The following NUP58 variants were observed in gnomAD, a reference collection of about 807,000 sequenced individuals.
NUP58 encodes the protein nucleoporin 58.
NUP58 carries 17 observed loss-of-function variants against 70.1 expected under a neutral mutation model. That is an observed-to-expected ratio of 0.24 (90% CI 0.17 to 0.36). The LOEUF (loss-of-function observed/expected upper bound fraction) is 0.36. Among genes scored for constraint, NUP58 ranks in the 10% least tolerant of loss-of-function variants. The pLI is 1.00. For missense variants in NUP58, 644 were observed against 701.5 expected (o/e 0.92, Z 0.93); for synonymous variants, 275 against 257.6 (o/e 1.07, Z -0.65).
chr13:25,331,029 C>A (rs758775258), intron 12 of NUP58, among the ~76,000 whole-genome samples: 2 of 151,496 alleles, frequency 1.3e-5, no homozygotes, highest in Non-Finnish European at 2.9e-5. Context: ...TTTTTAAATT[C>A]TTTTCATCCA....
At chr13:25,321,243 A>G (rs2031173115) in intron 9 of NUP58, 150 bp downstream of exon 9, 2 of 628,022 alleles carry the variant, frequency 3.2e-6, no homozygotes, top group Non-Finnish European at 5.3e-6. Flanking sequence ...TACTTTAATA[A>G]TGAGTTTTTA....
At chr13:25,336,191 G>T in intron 13 of NUP58, 1 of 1,365,944 alleles carries the variant, frequency 7.3e-7, no homozygotes, top group Non-Finnish European at 9.8e-7. Flanking sequence ...CTTTGTAAAT[G>T]TTCATTACTT....
At chr13:25,333,957 T>C in intron 13 of NUP58, 1 of 985,420 alleles carries the variant, frequency 1.0e-6, no homozygotes, top group Non-Finnish European at 1.2e-6. Context: ...AATAGCTTCT[T>C]AGACTGCTGC....
Position 25,312,723 on chromosome 13 carries a change from C to T in NUP58, c.287-160C>T, listed in dbSNP as rs73470425. Among the ~76,000 whole-genome samples the T allele has an allele frequency of 7.5e-3, 1,146 of 152,278 alleles. 16 individuals are homozygous for T. The highest frequency in any genetic ancestry group is 0.026 in the African/African-American group (1,066 of 41,568). ...TTTTGTGTTCACCATGGTTTAGTCT[C>T]AACTTTTACATATTTTCTCTCACAG... On this transcript the variant is annotated intron_variant, in intron 3 of 15. Transcript: ENST00000381736.
rs554099030 is a variant in NUP58 at position 25,341,572 on chromosome 13, T to C, written c.*1438T>C. On this transcript the variant is annotated 3_prime_UTR_variant, in exon 16 of 16. Transcript: ENST00000381736. Reference sequence around the variant, plus strand: ...AGAAAAATATTCTTTGTAGCAACTGTAAATTCTCCCATTATAACAGTGAAC... The same window carrying C: ...AGAAAAATATTCTTTGTAGCAACTGCAAATTCTCCCATTATAACAGTGAAC... The C allele has an allele frequency of 1.3e-5, 2 of 152,762 alleles. No individual in the cohort carries two copies. Among genetic ancestry groups the C allele is most frequent in the African/African-American group, 4.8e-5 (2 of 41,574 alleles). 9.5% of individuals were successfully genotyped at this position (152,762 alleles called of 1,614,324 possible).
chr13:25,343,809 A>G (rs560946497), downstream of NUP58, among the ~76,000 whole-genome samples: 3,216 of 128,244 alleles, frequency 0.025, 127 homozygotes, highest in African/African-American at 0.12. Flanking sequence ...ATATATGTAT[A>G]TATATATATA....
chr13:25,307,807 A>C lies in NUP58; in HGVS notation c.109A>C (p.Asn37His). ...VFSFGTGASS[N>H]PSVGLNFGNL... is the part of the protein sequence containing the mutation. ...TTTGTTTTTGTTTCTTTAAATAAGC[A>C]ACCCTTCTGTGGGGCTCAATTTTGG... Residue 37 changes from asparagine to histidine, a missense_variant and splice_region_variant, in exon 2 of 16, where the codon AAC becomes CAC. This residue lies in a region of NUP58 where 430 missense variants were observed against 409.2 expected (regional missense o/e 1.05). Transcript: ENST00000381736. 1 of 1,613,948 alleles carries C rather than the reference A, an allele frequency of 6.2e-7. No homozygotes were observed. Among genetic ancestry groups the C allele is most frequent in the Non-Finnish European group, 8.5e-7 (1 of 1,179,936 alleles).
intron 6 of NUP58, among the ~76,000 whole-genome samples, chr13:25,316,003 T>G (rs1220459012): frequency 6.6e-6 from 1 of 152,200 alleles, no homozygotes; most frequent in African/African-American, 2.4e-5. Context: ...TGTAAAACCC[T>G]AGCAGAGCCA....
chr13:25,325,234 C>T (rs2031349297), intron 10 of NUP58, among the ~76,000 whole-genome samples, 166 bp downstream of exon 10: 1 of 152,150 alleles, frequency 6.6e-6, no homozygotes, highest in Admixed American at 6.5e-5. Context: ...AGGTTTATCT[C>T]CATTAACACC....
intron 6 of NUP58, among the ~76,000 whole-genome samples, chr13:25,319,058 C>A (rs1184408474): frequency 6.6e-6 from 1 of 150,852 alleles, no homozygotes; most frequent in African/African-American, 2.4e-5. Flanking sequence ...CTTCTGAGTT[C>A]ATGACGAGGG....
At chr13:25,305,020 G>C (rs1380810122) in intron 1 of NUP58, among the ~76,000 whole-genome samples, 1 of 151,724 alleles carries the variant, frequency 6.6e-6, no homozygotes, top group Non-Finnish European at 1.5e-5. Context: ...TCTTTTGCTT[G>C]TAGCGCTCAC....
intron 13 of NUP58, chr13:25,336,209 T>A: frequency 7.3e-7 from 1 of 1,366,776 alleles, no homozygotes; most frequent in Non-Finnish European, 9.8e-7. Flanking sequence ...CTTTATTTAA[T>A]CAGGTGATAA....
At chr13:25,315,862 T>C (rs1018722462) in intron 6 of NUP58, among the ~76,000 whole-genome samples, 2 of 152,174 alleles carry the variant, frequency 1.3e-5, no homozygotes, top group East Asian at 3.8e-4. Context: ...TAAGAGTGTC[T>C]GCTCTGGAGT....
intron 2 of NUP58, 59 bp downstream of exon 2, chr13:25,308,007 G>A: frequency 1.9e-6 from 3 of 1,588,664 alleles, no homozygotes; most frequent in Non-Finnish European, 2.6e-6. Context: ...TTCCTAAATT[G>A]TGTCCTGTAT....
At position 25,320,332 on chromosome 13, in the gene NUP58, A is replaced by G. The variant is rs184157048; in HGVS notation, c.711-198A>G. 2.1e-3 allele frequency: 897 copies of G among 433,482 alleles called. 5 individuals are homozygous for G. Among genetic ancestry groups the G allele is most frequent in the African/African-American group, 0.016 (764 of 47,640 alleles). The allele number at this position is 433,482 out of a possible 1,614,324, so 26.9% of individuals were successfully genotyped here. A position where few individuals can be genotyped will look rare whatever the true frequency, so the allele number is the denominator to read the frequency against. ...GATAAGAAATCTTCATGTCAGATGA[A>G]TTGTTAAAATTATTTTATAGATCCT... On this transcript the variant is annotated intron_variant, in intron 7 of 15. Coordinates refer to ENST00000381736, the MANE Select transcript of NUP58 (RefSeq NM_014089.4).
At position 25,315,421 on chromosome 13, in the gene NUP58, T is replaced by G. The variant is rs767289163; in HGVS notation, c.639T>G (p.Asn213Lys). Residue 213 changes from asparagine (N) to lysine (K), a missense_variant, in exon 6 of 16, where the codon AAT (asparagine) becomes AAG (lysine). By Grantham distance (94) the Asn-to-Lys change is moderately conservative. Coordinates refer to ENST00000381736, the MANE Select transcript of NUP58 (RefSeq NM_014089.4). ...GTTAATSTAGNEGLGGIDFSS... is the reference protein window; with the variant it reads ...GTTAATSTAGKEGLGGIDFSS... ...CAGCAGCTACTTCAACTGCAGGCAA[T>G]GAAGGCCTTGGTGGTATAGATTTCA... 6.2e-7 allele frequency: 1 copy of G among 1,613,964 alleles called. No homozygotes were observed. The highest frequency in any genetic ancestry group is 8.5e-7 in the Non-Finnish European group (1 of 1,179,866).
chr13:25,325,603 A>G (rs1164232997), intron 10 of NUP58, among the ~76,000 whole-genome samples: 1 of 152,194 alleles, frequency 6.6e-6, no homozygotes, highest in Non-Finnish European at 1.5e-5. Flanking sequence ...GCTTAGGACT[A>G]TACATGCTTT....
Position 25,318,184 on chromosome 13 carries a change from C to T in NUP58, c.686-1142C>T, listed in dbSNP as rs372444201. Among the ~76,000 whole-genome samples the T allele has an allele frequency of 1.1e-4, 16 of 152,004 alleles. No individual in the cohort carries two copies. The South Asian group carries it at 1.5e-3, about 14-fold the overall frequency. The stretch of plus-strand genomic sequence containing the variant: ...CTCTACTAAAAATGCAAAAGCTAGC[C>T]GGGCACAGTGGCAGGCACCTGTAAT... On this transcript the variant is annotated intron_variant, in intron 6 of 15. Coordinates refer to ENST00000381736, the MANE Select transcript of NUP58 (RefSeq NM_014089.4).
At chr13:25,320,803 A>G (rs991263711) in intron 8 of NUP58, 116 bp from the exon 9 acceptor site, 11 of 756,816 alleles carry the variant, frequency 1.5e-5, no homozygotes, top group Non-Finnish European at 2.0e-5. Context: ...TGTGAACTAT[A>G]GATGAATTTT....
Sources: gnomAD v4.1 joint callset for allele counts (sites outside exome capture counted in the v4.1 genomes callset) on GRCh38, gnomAD v4.1.1 for gene constraint, gnomAD v4.1.1 regional missense constraint, MANE v1.5 for transcripts, NCBI Gene and HGNC (gene_info 2026-07-23, HGNC 2026-07-21) for gene names.